Variants in ERICH3 observed in about 807,000 individuals in gnomAD.
ERICH3 encodes glutamate-rich protein 3.
ERICH3 carries 126 observed loss-of-function variants against 131.1 expected under a neutral mutation model. That is an observed-to-expected ratio of 0.96 (90% confidence interval 0.83 to 1.11). The LOEUF (loss-of-function observed/expected upper bound fraction) is 1.11. Among genes scored for constraint, ERICH3 ranks in the 50% most tolerant of loss-of-function variants. The pLI, the probability that ERICH3 is intolerant of heterozygous loss-of-function variation, is 0.00. For synonymous variants in ERICH3, 695 were observed against 644.6 expected (o/e 1.08, Z -1.18); for missense variants, 2,050 against 1,810.7 (o/e 1.13, Z -2.40).
rs776195150 is a variant in ERICH3 at position 74,573,144 on chromosome 1, A to AC, written c.2565dup (p.Ser856ValfsTer17). 1.9e-6 allele frequency: 3 copies of AC among 1,606,526 alleles called. No individual in the cohort carries two copies. Among genetic ancestry groups the AC allele is most frequent in the South Asian group, 1.1e-5 (1 of 90,184 alleles). ...GCTGCTGCTTGTCCTATGGGGTCTG[A>AC]CCCCCCTTCACCCAGCCTTCTGACC... On this transcript the variant is annotated frameshift_variant, in exon 14 of 15. Coordinates refer to ENST00000326665, the MANE Select transcript of ERICH3 (RefSeq NM_001002912.5). LOFTEE classifies it high-confidence loss of function.
chr1:74,635,509 G>A (rs1224468904), intron 6 of ERICH3, among the ~76,000 whole-genome samples: 3 of 151,940 alleles, frequency 2.0e-5, no homozygotes, highest in Non-Finnish European at 2.9e-5. Flanking sequence ...CATATATCTT[G>A]CGTTTCTTAA....
intron 10 of ERICH3, among the ~76,000 whole-genome samples, chr1:74,604,562 T>C (rs909926832): frequency 6.6e-6 from 1 of 151,902 alleles, no homozygotes; most frequent in Non-Finnish European, 1.5e-5. Flanking sequence ...TACTCCTTGA[T>C]CCATAAGGAT....
At chr1:74,661,696 C>CAAAGATCAAAA (rs370233803) in intron 1 of ERICH3, among the ~76,000 whole-genome samples, 8 of 152,164 alleles carry the variant, frequency 5.3e-5, no homozygotes, top group African/African-American at 1.9e-4. Flanking sequence ...ATACTTTACA[C>CAAAGATCAAAA]AAAGATCAAA....
At chr1:74,624,301 A>C (rs1424784457) in intron 7 of ERICH3, 1 of 152,202 alleles carries the variant, frequency 6.6e-6, no homozygotes. Flanking sequence ...AACCAGCCTG[A>C]CCATAAAAAG....
intron 11 of ERICH3, 135 bp from the exon 12 acceptor site, chr1:74,590,215 T>A: frequency 1.2e-6 from 1 of 804,246 alleles, no homozygotes; most frequent in Non-Finnish European, 1.9e-6. Flanking sequence ...CCTTTTCCCA[T>A]ATAGTCTACT....
intron 8 of ERICH3, among the ~76,000 whole-genome samples, chr1:74,616,382 C>T (rs1265057055): frequency 1.3e-5 from 2 of 151,994 alleles, no homozygotes; most frequent in African/African-American, 4.8e-5. Context: ...TTAAAAGGAA[C>T]ATAGAAGCAA....
chr1:74,671,096 C>T (rs575404817), intron 1 of ERICH3, among the ~76,000 whole-genome samples: 14 of 152,116 alleles, frequency 9.2e-5, no homozygotes, highest in Admixed American at 6.5e-5. Flanking sequence ...TTGTTTAAGA[C>T]GTTTATCAAG....
chr1:74,652,335 C>T (rs1024192895), intron 1 of ERICH3, among the ~76,000 whole-genome samples: 2 of 152,188 alleles, frequency 1.3e-5, no homozygotes, highest in Admixed American at 6.5e-5. Flanking sequence ...TCAAATGCTG[C>T]GTGGGCCAGT....
rs1646991349 is a variant in ERICH3 at position 74,573,218 on chromosome 1, A to G, written c.2492T>C (p.Ile831Thr). 3 of 1,611,012 alleles carry G rather than the reference A, an allele frequency of 1.9e-6. No individual in the cohort carries two copies. Among genetic ancestry groups the G allele is most frequent in the Non-Finnish European group, 2.5e-6 (3 of 1,178,824 alleles). Residue 831 changes from isoleucine (I) to threonine (T), a missense_variant, in exon 14 of 15, where the codon ATC becomes ACC. Coordinates refer to ENST00000326665, the MANE Select transcript of ERICH3 (RefSeq NM_001002912.5). The part of the protein sequence containing the change: ...LAEEFTEKRE[I>T]PPGIERGAEG... ...TGCCCCCCTTTCTATGCCTGGAGGG[A>G]TCTCCCTTTTTTCTGTAAACTCTTC...
At chr1:74,593,666 C>T (rs900487018) in intron 11 of ERICH3, among the ~76,000 whole-genome samples, 1 of 152,034 alleles carries the variant, frequency 6.6e-6, no homozygotes, top group East Asian at 1.9e-4. Flanking sequence ...TAAAACCAAT[C>T]ATGATTATGC....
At chr1:74,602,822 C>A (rs552895638) in intron 10 of ERICH3, among the ~76,000 whole-genome samples, 20 of 151,922 alleles carry the variant, frequency 1.3e-4, no homozygotes, top group African/African-American at 4.8e-4. Context: ...AAAGTTAAAA[C>A]ACATGAAAAC....
intron 3 of ERICH3, among the ~76,000 whole-genome samples, chr1:74,646,242 T>C (rs147069009): frequency 2.6e-5 from 4 of 152,072 alleles, no homozygotes; most frequent in Admixed American, 1.3e-4. Context: ...CTGAAATAAT[T>C]CATGGCAATG....
intron 12 of ERICH3, among the ~76,000 whole-genome samples, chr1:74,579,066 A>C (rs1375228936): frequency 6.6e-6 from 1 of 152,208 alleles, no homozygotes; most frequent in Non-Finnish European, 1.5e-5. Flanking sequence ...CAAGACAATG[A>C]TGTAATAGTT....
intron 1 of ERICH3, among the ~76,000 whole-genome samples, chr1:74,666,623 C>T (rs1570923063): frequency 6.6e-6 from 1 of 152,238 alleles, no homozygotes; most frequent in East Asian, 1.9e-4. Context: ...TGTTTCTTTA[C>T]TGGGACTTGT....
chr1:74,637,688 G>A (rs1646401702), intron 5 of ERICH3, among the ~76,000 whole-genome samples: 1 of 152,134 alleles, frequency 6.6e-6, no homozygotes, highest in Admixed American at 6.5e-5. Context: ...GGGAGGCCAT[G>A]GTGGGTAGAA....
chr1:74,594,131 G>A (rs1285942665), intron 11 of ERICH3, among the ~76,000 whole-genome samples: 1 of 152,012 alleles, frequency 6.6e-6, no homozygotes, highest in East Asian at 1.9e-4. Flanking sequence ...TGAATACAAA[G>A]CAAAAGCAAA....
chr1:74,653,812 T>TCCCTGTACTACCCATCCCC (rs1397456621), intron 1 of ERICH3, among the ~76,000 whole-genome samples: 2 of 152,042 alleles, frequency 1.3e-5, no homozygotes, highest in Non-Finnish European at 2.9e-5. Context: ...CCCTCATCTC[T>TCCCTGTACTACCCATCCCC]CCCTGTACTA....
At chr1:74,652,105 T>G (rs181580637) in intron 1 of ERICH3, among the ~76,000 whole-genome samples, 75 of 152,320 alleles carry the variant, frequency 4.9e-4, no homozygotes, top group Non-Finnish European at 7.9e-4. Context: ...ACTAGCTTGG[T>G]AGGACAGCTG....
chr1:74,588,608 A>G (rs1647444615), intron 12 of ERICH3, among the ~76,000 whole-genome samples: 1 of 152,240 alleles, frequency 6.6e-6, no homozygotes, highest in South Asian at 2.1e-4. Flanking sequence ...ATTTTATCTT[A>G]AAATCAAGAA....
Sources: allele counts gnomAD v4.1 joint callset (sites outside exome capture counted in the v4.1 genomes callset), GRCh38; gene constraint gnomAD v4.1.1; transcripts MANE v1.5; gene names NCBI Gene and HGNC (gene_info 2026-07-23, HGNC 2026-07-21).